Variants in CFAP43 observed in about 807,000 individuals in gnomAD.
The protein encoded by CFAP43 is cilia and flagella associated protein 43, also known as cilia- and flagella-associated protein 43.
Under a neutral mutation model 218.9 loss-of-function variants are expected in CFAP43, and 155 were observed. That is an observed-to-expected ratio of 0.71 (90% CI 0.62 to 0.81). The LOEUF (loss-of-function observed/expected upper bound fraction) is 0.81, where lower values mean the gene tolerates loss of function less well. Among genes scored for constraint, CFAP43 ranks in the 30% least tolerant of loss-of-function variants. The probability of loss-of-function intolerance (pLI) is 0.00; values close to 1 mark genes in which losing one functional copy is unlikely to be tolerated. For missense variants in CFAP43, 1,778 were observed against 1,954.3 expected (o/e 0.91, Z 1.70); for synonymous variants, 645 against 681.3 (o/e 0.95, Z 0.83).
intron 15 of CFAP43, among the ~76,000 whole-genome samples, chr10:104,185,444 G>A (rs1308004301): frequency 6.6e-6 from 1 of 152,086 alleles, no homozygotes; most frequent in Admixed American, 6.5e-5. Flanking sequence ...GATTGCAGAA[G>A]TCTATAAAGC....
intron 31 of CFAP43, among the ~76,000 whole-genome samples, chr10:104,143,959 C>T (rs908372010): frequency 6.6e-6 from 1 of 152,210 alleles, no homozygotes; most frequent in African/African-American, 2.4e-5. Flanking sequence ...CATCGTTTCA[C>T]CTCAGCCTCC....
chr10:104,183,542 A>C (rs542719027), intron 16 of CFAP43, among the ~76,000 whole-genome samples: 1 of 152,124 alleles, frequency 6.6e-6, no homozygotes, highest in East Asian at 1.9e-4. Context: ...GGCGCCCGCC[A>C]CCGCGCCCGG....
intron 5 of CFAP43, among the ~76,000 whole-genome samples, chr10:104,208,892 C>T (rs1187325485): frequency 2.0e-5 from 3 of 152,122 alleles, no homozygotes; most frequent in African/African-American, 7.2e-5. Context: ...CCTTTGATTT[C>T]CCCCATGCTA....
intron 3 of CFAP43, among the ~76,000 whole-genome samples, chr10:104,215,854 C>T (rs568474357): frequency 3.9e-5 from 6 of 152,230 alleles, no homozygotes; most frequent in South Asian, 4.2e-4. Context: ...TGGTTCTCTC[C>T]GCCTCCTCTC....
intron 4 of CFAP43, among the ~76,000 whole-genome samples, chr10:104,212,533 T>A (rs1159468392): frequency 1.3e-5 from 2 of 152,188 alleles, no homozygotes; most frequent in African/African-American, 4.8e-5. Context: ...GTTGTTGACA[T>A]GTGAGAATTT....
At chr10:104,225,656 G>C (rs761361088) in intron 2 of CFAP43, 99 bp from the exon 3 acceptor site, 1 of 978,248 alleles carries the variant, frequency 1.0e-6, no homozygotes, top group Admixed American at 3.1e-5. Flanking sequence ...TGATTTTCAC[G>C]TAATTCAAAA....
rs895249133 is a variant in CFAP43 at position 104,209,177 on chromosome 10, G to A, written c.736-1353C>T. On this transcript the variant is annotated intron_variant, in intron 5 of 37. Transcript: ENST00000357060. ...TCAAGACATTTGAGATCTATTTTTGGTTATGCTTTCACTCATTGTACAGAC... is the reference window on the plus strand; with the variant it reads ...TCAAGACATTTGAGATCTATTTTTGATTATGCTTTCACTCATTGTACAGAC... Among the ~76,000 whole-genome samples the A allele has an allele frequency of 2.4e-4, 37 of 152,088 alleles. 1 individual carries two copies. Among genetic ancestry groups the A allele is most frequent in the Admixed American group, 2.6e-4 (4 of 15,268 alleles).
chr10:104,151,888 T>A (rs1227667228), intron 28 of CFAP43, among the ~76,000 whole-genome samples: 1 of 152,162 alleles, frequency 6.6e-6, no homozygotes, highest in Admixed American at 6.6e-5. Flanking sequence ...TACATTTAAG[T>A]AGATCATTAT....
intron 29 of CFAP43, among the ~76,000 whole-genome samples, chr10:104,147,369 A>G (rs2088026155): frequency 6.6e-6 from 1 of 152,098 alleles, no homozygotes; most frequent in Non-Finnish European, 1.5e-5. Flanking sequence ...ATTTGTAGAA[A>G]CATTATGTGA....
intron 27 of CFAP43, among the ~76,000 whole-genome samples, chr10:104,160,611 A>G (rs1193474544): frequency 6.6e-6 from 1 of 152,274 alleles, no homozygotes; most frequent in African/African-American, 2.4e-5. Flanking sequence ...AATGTACTGC[A>G]TTGATTATGC....
At chr10:104,186,451 A>G (rs1324471486) in intron 14 of CFAP43, among the ~76,000 whole-genome samples, 1 of 152,142 alleles carries the variant, frequency 6.6e-6, no homozygotes, top group Non-Finnish European at 1.5e-5. Flanking sequence ...AGTCAAAATA[A>G]TGTAGTCAAT....
chr10:104,163,815 A>G (rs2089005900), intron 24 of CFAP43, among the ~76,000 whole-genome samples: 1 of 152,244 alleles, frequency 6.6e-6, no homozygotes, highest in South Asian at 2.1e-4. Flanking sequence ...AGTGATGTGA[A>G]CTAAGAGATG....
intron 7 of CFAP43, among the ~76,000 whole-genome samples, 159 bp downstream of exon 7, chr10:104,205,804 A>T (rs2090670958): frequency 6.6e-6 from 1 of 152,346 alleles, no homozygotes; most frequent in South Asian, 2.1e-4. Context: ...GAAGCTATTC[A>T]TAATAAATCC....
chr10:104,148,646 C>T (rs1457134268), intron 28 of CFAP43, among the ~76,000 whole-genome samples: 1 of 152,194 alleles, frequency 6.6e-6, no homozygotes, highest in Admixed American at 6.5e-5. Context: ...CTCTTGCCTC[C>T]TCTCTGACCA....
At chr10:104,146,241 T>G in intron 30 of CFAP43, 22 bp downstream of exon 30, 1 of 1,600,248 alleles carries the variant, frequency 6.2e-7, no homozygotes, top group African/African-American at 1.3e-5. Context: ...CATTGTTGAG[T>G]GGGTAAGACA....
At position 104,132,159 on chromosome 10, in the gene CFAP43, A is replaced by G. The variant is rs924809332; in HGVS notation, c.4634T>C (p.Ile1545Thr). 10 of 1,606,662 alleles carry G rather than the reference A, an allele frequency of 6.2e-6. No homozygotes were observed. Among genetic ancestry groups the G allele is most frequent in the Non-Finnish European group, 7.6e-6 (9 of 1,177,120 alleles). The change falls in exon 36 of 38, where the codon ATT becomes ACT. Residue 1545 changes from isoleucine (I) to threonine (T), a missense_variant. By Grantham distance (89) the Ile-to-Thr change is moderately conservative. Around this residue, in one of 3 missense-constraint regions of CFAP43, gnomAD observed 211 missense variants for 230.6 expected, o/e 0.91. Transcript: ENST00000357060. The stretch of plus-strand genomic sequence containing the variant: ...GGTTTGTTCCATTATTCCAATCTGA[A>G]TACTAATCAGAGCCTCATAGTTTGG... Reference protein sequence around the residue: ...NEPNYEALISIQIGIMEQTIA... With the variant: ...NEPNYEALISTQIGIMEQTIA...
chr10:104,207,925 C>T (rs1365028246), intron 5 of CFAP43, 101 bp from the exon 6 acceptor site: 2 of 1,168,332 alleles, frequency 1.7e-6, no homozygotes, highest in Non-Finnish European at 2.4e-6. Context: ...CATACTTAAC[C>T]CCATAGACGC....
intron 3 of CFAP43, among the ~76,000 whole-genome samples, chr10:104,223,305 A>G (rs2091230804): frequency 6.6e-6 from 1 of 152,250 alleles, no homozygotes; most frequent in Admixed American, 6.5e-5. Flanking sequence ...AAAAAAAAAT[A>G]CACTGGTGGC....
chr10:104,146,150 T>C lies in CFAP43; in HGVS notation c.3855+113A>G, dbSNP rs968670650. On this transcript the variant is annotated intron_variant, in intron 30 of 37. Coordinates refer to ENST00000357060, the MANE Select transcript of CFAP43 (RefSeq NM_025145.7). ...ATGAAGTTCACCCATAGCTGAGAAT[T>C]AAGTGGGAGAAAAATCTGTGAGAAA... The C allele has an allele frequency of 1.4e-5, 11 of 789,106 alleles. No individual in the cohort carries two copies. The Admixed American group carries it at 2.5e-4, about 18-fold the overall frequency. 48.9% of individuals were successfully genotyped at this position (789,106 alleles called of 1,614,324 possible).
Sources: gnomAD v4.1 joint callset for allele counts (sites outside exome capture counted in the v4.1 genomes callset) on GRCh38, gnomAD v4.1.1 for gene constraint, gnomAD v4.1.1 regional missense constraint, MANE v1.5 for transcripts, NCBI Gene and HGNC (gene_info 2026-07-23, HGNC 2026-07-21) for gene names.